ZNF283: variants seen among roughly 807,000 people sequenced by gnomAD.
The protein encoded by ZNF283 is zinc finger protein 283.
A neutral mutation model predicts 9.2 loss-of-function variants in ZNF283; 10 were observed. The observed-to-expected ratio is 1.09, with a 90% CI of 0.67 to 1.85. The LOEUF is 1.85. Ranked by LOEUF, ZNF283 falls within the 40% of genes most tolerant of loss-of-function variation. The pLI, the probability that ZNF283 is intolerant of heterozygous loss-of-function variation, is 0.00. For synonymous variants in ZNF283, 234 were observed against 244.1 expected, an observed-to-expected ratio of 0.96 and a Z score of 0.38; for missense variants, 631 against 760.1, an observed-to-expected ratio of 0.83 and a Z score of 2.00.
At chr19:43,835,279 C>G (rs1568416069) in intron 4 of ZNF283, among the ~76,000 whole-genome samples, 1 of 152,148 alleles carries the variant, frequency 6.6e-6, no homozygotes, top group Admixed American at 6.5e-5. Flanking sequence ...CTGGGCAGGA[C>G]TGAATTGTCG....
intron 2 of ZNF283, among the ~76,000 whole-genome samples, chr19:43,830,870 T>C (rs2146530933): frequency 8.1e-6 from 1 of 123,476 alleles, no homozygotes; most frequent in South Asian, 2.7e-4. Context: ...ACCACTGCAC[T>C]CCAGCCTGAG....
chr19:43,848,189 CTTG>C lies in ZNF283; in HGVS notation c.1591_1593del (p.Val531del), dbSNP rs773199306. ...GAAGGCTTTTAATTGTGGATCAAGC[CTTG>C]TTCAACATGAAAGAATCCATACAGG... On this transcript the variant is annotated inframe_deletion, in exon 7 of 7. Transcript: ENST00000618787. 6.2e-7 allele frequency: 1 copy of C among 1,613,864 alleles called. No homozygotes were observed. Among genetic ancestry groups the C allele is most frequent in the South Asian group, 1.1e-5 (1 of 91,064 alleles).
intron 3 of ZNF283, among the ~76,000 whole-genome samples, chr19:43,832,345 G>A (rs1284598951): frequency 1.3e-5 from 2 of 152,178 alleles, no homozygotes; most frequent in Non-Finnish European, 2.9e-5. Context: ...TAAATACCAG[G>A]AGGTAGAATA....
intron 6 of ZNF283, among the ~76,000 whole-genome samples, chr19:43,842,227 G>GT (rs150459321): frequency 3.0e-4 from 45 of 148,950 alleles, no homozygotes; most frequent in Non-Finnish European, 5.1e-4. Context: ...TGAAGTCACT[G>GT]TTTTTTTTTT....
In ZNF283 at chr19:43,850,134, A is replaced by G. The variant is rs1329319875; in HGVS notation, c.*1493A>G. 1.3e-5 allele frequency: 2 copies of G among 152,224 alleles called. No homozygotes were observed. The highest frequency in any genetic ancestry group is 2.1e-4 in the South Asian group (1 of 4,830). 9.4% of individuals were successfully genotyped at this position (152,224 alleles called of 1,614,324 possible). A position where few individuals can be genotyped will look rare whatever the true frequency, so the allele number is the denominator to read the frequency against. Reference sequence around the variant, plus strand: ...AAAGCTGTTTTATAGAATGTCACACATTAGTTTCATTCCTCATGGTGAAAT... The same window carrying G: ...AAAGCTGTTTTATAGAATGTCACACGTTAGTTTCATTCCTCATGGTGAAAT... On this transcript the variant is annotated 3_prime_UTR_variant, in exon 7 of 7. Coordinates refer to ENST00000618787, the MANE Select transcript of ZNF283 (RefSeq NM_181845.2).
rs1043764742 is a variant in ZNF283, at chr19:43,846,902, A to G, written c.338-37A>G. ...GTTTTTTTTTTTTTTTCCCTAGTGA[A>G]GGAAATAAAATGTGTGGTTTTCTTG... On this transcript the variant is annotated intron_variant, in intron 6 of 6. Coordinates refer to ENST00000618787, the MANE Select transcript of ZNF283 (RefSeq NM_181845.2). The G allele has an allele frequency of 1.1e-5, 14 of 1,296,406 alleles. No homozygotes were observed. The African/African-American group carries it at 2.1e-4, about 20-fold the overall frequency. 80.3% of individuals were successfully genotyped at this position (1,296,406 alleles called of 1,614,324 possible).
rs915025929 is a variant in ZNF283 at position 43,840,831 on chromosome 19, G to A, written c.337+3652G>A. ...CTCCTGAGTAGCTGGGACTACAGGC[G>A]CCTGCCACCACGCCCGGCTAATTTT... On this transcript the variant is annotated intron_variant, in intron 6 of 6. Transcript: ENST00000618787. 4.9e-4 allele frequency: 74 copies of A among 151,962 alleles called. 1 individual carries two copies. Among genetic ancestry groups the A allele is most frequent in the Middle Eastern group, 3.4e-3 (1 of 294 alleles). The allele number at this position is 151,962 out of a possible 1,614,324, so 9.4% of individuals were successfully genotyped here. A position where few individuals can be genotyped will look rare whatever the true frequency, so the allele number is the denominator to read the frequency against.
intron 6 of ZNF283, among the ~76,000 whole-genome samples, chr19:43,839,520 ATTTTTTTCTCT>A (rs1971114507): frequency 6.6e-6 from 1 of 151,312 alleles, no homozygotes; most frequent in East Asian, 1.9e-4. Flanking sequence ...TTTTCTTCAA[ATTTTTTTCTCT>A]ACTTTTGTCT....
chr19:43,829,354 C>T lies in ZNF283; in HGVS notation c.-65+1073C>T, dbSNP rs143364069. Among the ~76,000 whole-genome samples, 679 of 152,266 alleles carry T rather than the reference C, an allele frequency of 4.5e-3. 4 individuals carry two copies. The highest frequency in any genetic ancestry group is 7.8e-3 in the Non-Finnish European group (530 of 68,026). ...GAGCCAAGATTGCACCACTGCACTC[C>T]AGCCTGGGTGACAGAGAGAGACTCC... On this transcript the variant is annotated intron_variant, in intron 2 of 6. Transcript: ENST00000618787.
Position 43,835,513 on chromosome 19 carries a change from T to C in ZNF283, c.131T>C (p.Phe44Ser). Residue 44 changes from phenylalanine (F) to serine (S), a missense_variant, in exon 5 of 7, where the codon TTT becomes TCT. By Grantham distance (155) the Phe-to-Ser change is radical. Coordinates refer to ENST00000618787, the MANE Select transcript of ZNF283 (RefSeq NM_181845.2). ...LLSSWDYSSG[F>S]SGFCASPIEE... is the part of the protein sequence containing the mutation. Reference sequence around the variant, plus strand: ...TCGTTTTCCCTCCCCAGTTCTGGCTTTTCTGGATTCTGTGCTTCACCAATA... The same window carrying C: ...TCGTTTTCCCTCCCCAGTTCTGGCTCTTCTGGATTCTGTGCTTCACCAATA... 2 of 1,609,888 alleles carry C rather than the reference T, an allele frequency of 1.2e-6. No individual in the cohort carries two copies. The highest frequency in any genetic ancestry group is 2.2e-5 in the South Asian group (2 of 89,976).
In ZNF283 at chr19:43,847,531, G is replaced by T. The variant is rs1262066149; in HGVS notation, c.930G>T (p.Gln310His). The T allele has an allele frequency of 6.2e-7, 1 of 1,602,220 alleles. No individual in the cohort carries two copies. Among genetic ancestry groups the T allele is most frequent in the Non-Finnish European group, 8.5e-7 (1 of 1,171,678 alleles). Reference sequence around the variant, plus strand: ...GTGGCTATCACCTTACCCAACATCAGAAAATTCATACTGGTGTGAAATCTT... The same window carrying T: ...GTGGCTATCACCTTACCCAACATCATAAAATTCATACTGGTGTGAAATCTT... ...FSRGYHLTQH[Q>H]KIHTGVKSYK... Residue 310 changes from glutamine (Q) to histidine (H), a missense_variant, in exon 7 of 7, where the codon CAG (glutamine) becomes CAT (histidine). Transcript: ENST00000618787.
Position 43,835,591 on chromosome 19 carries a change from A to G in ZNF283, c.209A>G (p.Asp70Gly), listed in dbSNP as rs1375734739. Residue 70 changes from aspartate (D) to glycine (G), a missense_variant and splice_region_variant, in exon 5 of 7, where the codon GAT (aspartate) becomes GGT (glycine). By Grantham distance (94) the Asp-to-Gly change is moderately conservative. Transcript: ENST00000618787. Reference protein sequence around the residue: ...ISSCNSRTMTDGLVTFRDVAI... With the variant: ...ISSCNSRTMTGGLVTFRDVAI... ...TCTTGCAATTCCAGAACCATGACTGATGTAAGTTGGTATTTTTCTCTCCAT... is the reference window on the plus strand; with the variant it reads ...TCTTGCAATTCCAGAACCATGACTGGTGTAAGTTGGTATTTTTCTCTCCAT... 6.3e-7 allele frequency: 1 copy of G among 1,597,162 alleles called. No individual in the cohort carries two copies. Among genetic ancestry groups the G allele is most frequent in the South Asian group, 1.1e-5 (1 of 89,130 alleles).
At chr19:43,835,162 A>T (rs1159803402) in intron 4 of ZNF283, among the ~76,000 whole-genome samples, 2 of 151,978 alleles carry the variant, frequency 1.3e-5, no homozygotes, top group Non-Finnish European at 2.9e-5. Context: ...TCCAGCTCCC[A>T]TGTTTTGACC....
intron 6 of ZNF283, among the ~76,000 whole-genome samples, chr19:43,843,546 T>C (rs1162432662): frequency 6.6e-6 from 1 of 152,196 alleles, no homozygotes. Flanking sequence ...TTTTGTAAAA[T>C]GTTTATTCAT....
intron 5 of ZNF283, among the ~76,000 whole-genome samples, chr19:43,836,791 A>G (rs1970998987): frequency 6.6e-6 from 1 of 152,234 alleles, no homozygotes; most frequent in African/African-American, 2.4e-5. Flanking sequence ...TTTAAAATAT[A>G]TTACCAGACA....
chr19:43,849,908 TAGGAG>T lies in ZNF283; in HGVS notation c.*1271_*1275del, dbSNP rs1455152721. ...ATTAGTATTACTACTGGTGAATTCT[TAGGAG>T]AGGCACAACCGTTTTGAGGAATGAA... On this transcript the variant is annotated 3_prime_UTR_variant, in exon 7 of 7. Coordinates refer to ENST00000618787, the MANE Select transcript of ZNF283 (RefSeq NM_181845.2). The T allele has an allele frequency of 6.6e-6, 1 of 152,224 alleles. No homozygotes were observed. Among genetic ancestry groups the T allele is most frequent in the African/African-American group, 2.4e-5 (1 of 41,460 alleles). 9.4% of individuals were successfully genotyped at this position (152,224 alleles called of 1,614,324 possible).
chr19:43,851,674 G>C lies in ZNF283; in HGVS notation c.*3033G>C, dbSNP rs11672450. 0.094 allele frequency: 14,322 copies of C among 152,262 alleles called. 839 individuals carry two copies. The highest frequency in any genetic ancestry group is 0.13 in the Non-Finnish European group (8,933 of 68,022). The allele number at this position is 152,262 out of a possible 1,614,324, so 9.4% of individuals were successfully genotyped here. A position where few individuals can be genotyped will look rare whatever the true frequency, so the allele number is the denominator to read the frequency against. ...AGAGCTTGCAGTGAGCCGAGATTGC[G>C]CCACTGCACTCCAGCCTGGGCGACA... On this transcript the variant is annotated 3_prime_UTR_variant, in exon 7 of 7. Transcript: ENST00000618787.
At chr19:43,846,378 A>G (rs751199462) in intron 6 of ZNF283, among the ~76,000 whole-genome samples, 3 of 152,308 alleles carry the variant, frequency 2.0e-5, no homozygotes, top group South Asian at 2.1e-4. Flanking sequence ...TATGAAAGCA[A>G]TGTTTGCTTT....
chr19:43,840,144 T>C (rs1218365942), intron 6 of ZNF283, among the ~76,000 whole-genome samples: 2 of 152,164 alleles, frequency 1.3e-5, no homozygotes, highest in African/African-American at 2.4e-5. Context: ...TTATTGTATG[T>C]GGTCACTGAA....
Sources: allele counts gnomAD v4.1 joint callset (sites outside exome capture counted in the v4.1 genomes callset), GRCh38; gene constraint gnomAD v4.1.1; transcripts MANE v1.5; gene names NCBI Gene and HGNC (gene_info 2026-07-23, HGNC 2026-07-21).